E2F1: variants seen among roughly 807,000 people sequenced by gnomAD.
E2F1 encodes transcription factor E2F1.
In E2F1, 7 loss-of-function variants were observed where a neutral mutation model predicts 36.9. That is an observed-to-expected ratio of 0.19 (90% confidence interval 0.11 to 0.36). The LOEUF is 0.36. Among genes scored for constraint, E2F1 ranks in the 10% least tolerant of loss-of-function variants. E2F1 has a pLI of 1.00. For synonymous variants in E2F1, 261 were observed against 263.1 expected (o/e 0.99, Z 0.08); for missense variants, 406 against 573.6 (o/e 0.71, Z 2.99).
rs1219210182 is a variant in E2F1, at chr20:33,678,326, G to A, written c.600C>T (p.Gly200=). The A allele has an allele frequency of 5.6e-6, 9 of 1,612,470 alleles. No homozygotes were observed. The highest frequency in any genetic ancestry group is 5.1e-6 in the Non-Finnish European group (6 of 1,180,002). ...WLGSHTTVGV[G]GRLEGLTQDL... ...CCTGGGTCAACCCCTCAAGCCGTCC[G>A]CCGACGCCCACTGTGGTGTGGCTGC... Residue 200 remains glycine (G), a synonymous_variant, in exon 4 of 7, where the codon GGC becomes GGT. Transcript: ENST00000343380.
At position 33,675,493 on chromosome 20, in the gene E2F1, A is replaced by T. The variant is rs968637591; in HGVS notation, c.*1239T>A. The stretch of plus-strand genomic sequence containing the variant: ...ATAGCATTCTTGGCTTTCTACAACA[A>T]AAACCTTTACTGGATCTGCTTTTGA... On this transcript the variant is annotated 3_prime_UTR_variant, in exon 7 of 7. Transcript: ENST00000343380. 6.3e-6 allele frequency: 1 copy of T among 158,186 alleles called. No homozygotes were observed. Among genetic ancestry groups the T allele is most frequent in the Non-Finnish European group, 1.4e-5 (1 of 71,938 alleles). 9.8% of individuals were successfully genotyped at this position (158,186 alleles called of 1,614,324 possible).
chr20:33,682,225 A>ACC (rs149327727), intron 1 of E2F1, among the ~76,000 whole-genome samples: 6 of 151,216 alleles, frequency 4.0e-5, no homozygotes, highest in African/African-American at 1.5e-4. Flanking sequence ...TGCTGAATGA[A>ACC]CCCCCCCCAT....
rs954027515 is a variant in E2F1, at chr20:33,676,388, CAT to C, written c.*342_*343del. The C allele has an allele frequency of 1.7e-5, 4 of 229,036 alleles. No individual in the cohort carries two copies. Among genetic ancestry groups the C allele is most frequent in the Admixed American group, 1.6e-4 (3 of 18,702 alleles). 14.2% of individuals were successfully genotyped at this position (229,036 alleles called of 1,614,324 possible). A position where few individuals can be genotyped will look rare whatever the true frequency, so the allele number is the denominator to read the frequency against. ...GCGCACACATGGACTCATGCACACA[CAT>C]GTGGACACACTGGGGCGTGTCTGCA... On this transcript the variant is annotated 3_prime_UTR_variant, in exon 7 of 7. Coordinates refer to ENST00000343380, the MANE Select transcript of E2F1 (RefSeq NM_005225.3).
intron 5 of E2F1, 43 bp downstream of exon 5, chr20:33,677,383 A>C: frequency 6.2e-7 from 1 of 1,610,094 alleles, no homozygotes; most frequent in South Asian, 1.1e-5. Context: ...CCACCAGCCC[A>C]GCCCAGCCCA....
intron 1 of E2F1, among the ~76,000 whole-genome samples, chr20:33,683,225 C>T (rs1253446933): frequency 6.6e-6 from 1 of 152,026 alleles, no homozygotes; most frequent in Admixed American, 6.6e-5. Flanking sequence ...CCGAGGCGGG[C>T]AGATCACTTG....
At chr20:33,678,033 A>G (rs2071054) in intron 4 of E2F1, among the ~76,000 whole-genome samples, 168 bp downstream of exon 4, 63,197 of 152,140 alleles carry the variant, frequency 0.42, 14,821 homozygotes, top group African/African-American at 0.64. Flanking sequence ...AACTGAGGCC[A>G]AGAGGTTAAG....
At position 33,677,159 on chromosome 20, in the gene E2F1, G is replaced by A. The variant is rs757620294; in HGVS notation, c.1012C>T (p.Pro338Ser). ...GGATCTGTGGTGAGGGATGAGGGGGGAGATGATGGTGGTGGTGACACTATG... is the reference window on the plus strand; with the variant it reads ...GGATCTGTGGTGAGGGATGAGGGGGAAGATGATGGTGGTGGTGACACTATG... ...ATIVSPPPSS[P>S]PSSLTTDPSQ... The change falls in exon 6 of 7, where the codon CCC becomes TCC. Residue 338 changes from proline (P) to serine (S), a missense_variant. By Grantham distance (74) the Pro-to-Ser change is moderately conservative. Coordinates refer to ENST00000343380, the MANE Select transcript of E2F1 (RefSeq NM_005225.3). The A allele has an allele frequency of 2.5e-6, 4 of 1,614,176 alleles. No individual in the cohort carries two copies. Among genetic ancestry groups the A allele is most frequent in the East Asian group, 4.5e-5 (2 of 44,886 alleles).
intron 1 of E2F1, among the ~76,000 whole-genome samples, chr20:33,682,853 A>C (rs2018030325): frequency 6.6e-6 from 1 of 152,200 alleles, no homozygotes; most frequent in Non-Finnish European, 1.5e-5. Context: ...ACACATACAG[A>C]CAAGCAAAAC....
intron 1 of E2F1, among the ~76,000 whole-genome samples, chr20:33,682,303 G>A (rs1308010271): frequency 6.6e-6 from 1 of 152,156 alleles, no homozygotes; most frequent in South Asian, 2.1e-4. Context: ...AAGAAGAGCT[G>A]TTGTGCTCTA....
rs1375794800 is a variant in E2F1, at chr20:33,676,837, G to A, written c.1209C>T (p.Ser403=). Residue 403 remains serine, a synonymous_variant, in exon 7 of 7, where the codon TCC becomes TCT. Coordinates refer to ENST00000343380, the MANE Select transcript of E2F1 (RefSeq NM_005225.3). ...GLLPEEFISL[S]PPHEALDYHF... is the part of the protein sequence containing the mutation. Reference sequence around the variant, plus strand: ...GGTAGTCGAGGGCCTCGTGGGGTGGGGAAAGGCTGATGAACTCCTCAGGGA... The same window carrying A: ...GGTAGTCGAGGGCCTCGTGGGGTGGAGAAAGGCTGATGAACTCCTCAGGGA... 4 of 1,594,414 alleles carry A rather than the reference G, an allele frequency of 2.5e-6. No individual in the cohort carries two copies. Among genetic ancestry groups the A allele is most frequent in the Non-Finnish European group, 3.4e-6 (4 of 1,169,654 alleles).
chr20:33,686,142 G>A lies in E2F1; in HGVS notation c.123C>T (p.Asp41=). ...CGGTGGGAGCCGGCGGGGCGCTGGC[G>A]TCCTGCGCGGCGGAGATGATGACGA... ...SQIVIISAAQ[D]ASAPPAPTGP... is the part of the protein sequence containing the mutation. Residue 41 remains aspartate (D), a synonymous_variant, in exon 1 of 7, where the codon GAC becomes GAT. Coordinates refer to ENST00000343380, the MANE Select transcript of E2F1 (RefSeq NM_005225.3). 1 of 1,059,832 alleles carries A rather than the reference G, an allele frequency of 9.4e-7. No individual in the cohort carries two copies. Among genetic ancestry groups the A allele is most frequent in the Non-Finnish European group, 1.1e-6 (1 of 879,824 alleles). 65.7% of individuals were successfully genotyped at this position (1,059,832 alleles called of 1,614,324 possible).
chr20:33,675,789 C>T lies in E2F1; in HGVS notation c.*943G>A, dbSNP rs999271400. 4 of 183,338 alleles carry T rather than the reference C, an allele frequency of 2.2e-5. No homozygotes were observed. The highest frequency in any genetic ancestry group is 7.1e-5 in the African/African-American group (3 of 42,100). 11.4% of individuals were successfully genotyped at this position (183,338 alleles called of 1,614,324 possible). A position where few individuals can be genotyped will look rare whatever the true frequency, so the allele number is the denominator to read the frequency against. ...TGGGGCAGAGCAGTGGGGAGGCAGG[C>T]GCTTCAGACACTGCAGGAGGGACCA... On this transcript the variant is annotated 3_prime_UTR_variant, in exon 7 of 7. Coordinates refer to ENST00000343380, the MANE Select transcript of E2F1 (RefSeq NM_005225.3).
At chr20:33,683,631 G>A (rs141505726) in intron 1 of E2F1, among the ~76,000 whole-genome samples, 209 of 151,428 alleles carry the variant, frequency 1.4e-3, no homozygotes, top group African/African-American at 4.8e-3. Flanking sequence ...AAATTGGCTG[G>A]GCATGGTGGT....
intron 1 of E2F1, among the ~76,000 whole-genome samples, chr20:33,681,705 T>C (rs746411054): frequency 3.3e-5 from 5 of 152,174 alleles, no homozygotes; most frequent in Non-Finnish European, 4.4e-5. Flanking sequence ...CAGGGTTTCC[T>C]GAGCTAGAGT....
At position 33,676,583 on chromosome 20, in the gene E2F1, A is replaced by AC; in HGVS notation, c.*148dup. 8.1e-7 allele frequency: 1 copy of AC among 1,227,630 alleles called. No individual in the cohort carries two copies. The highest frequency in any genetic ancestry group is 1.1e-6 in the Non-Finnish European group (1 of 913,872). The allele number at this position is 1,227,630 out of a possible 1,614,324, so 76.0% of individuals were successfully genotyped here. A position where few individuals can be genotyped will look rare whatever the true frequency, so the allele number is the denominator to read the frequency against. ...TGCTCAGCCTCCTAGCGGTAGCCAG[A>AC]CCCCAGAGCTAGAAGCTTCTGGAGA... On this transcript the variant is annotated 3_prime_UTR_variant, in exon 7 of 7. Transcript: ENST00000343380.
chr20:33,675,878 T>G lies in E2F1; in HGVS notation c.*854A>C, dbSNP rs2122538945. On this transcript the variant is annotated 3_prime_UTR_variant, in exon 7 of 7. Transcript: ENST00000343380. Reference sequence around the variant, plus strand: ...GCCCACATCAGTGAAGGTCCCCCACTCACCTCTCCCATCTCATATCCATCC... The same window carrying G: ...GCCCACATCAGTGAAGGTCCCCCACGCACCTCTCCCATCTCATATCCATCC... The G allele has an allele frequency of 6.0e-6, 1 of 166,304 alleles. No homozygotes were observed. Among genetic ancestry groups the G allele is most frequent in the Admixed American group, 6.4e-5 (1 of 15,568 alleles). 10.3% of individuals were successfully genotyped at this position (166,304 alleles called of 1,614,324 possible).
rs201920937 is a variant in E2F1 at position 33,678,236 on chromosome 20, C to T, written c.690G>A (p.Gln230=). ...LDHLMNICTT[Q]LRLLSEDTDS... ...CAGTGTCCTCGGAGAGCAGGCGCAGCTGCGTAGTACAGATATTCATCAGGT... is the reference window on the plus strand; with the variant it reads ...CAGTGTCCTCGGAGAGCAGGCGCAGTTGCGTAGTACAGATATTCATCAGGT... Residue 230 remains glutamine, a synonymous_variant, in exon 4 of 7, where the codon CAG becomes CAA. Transcript: ENST00000343380. 6.2e-7 allele frequency: 1 copy of T among 1,613,698 alleles called. No individual in the cohort carries two copies. Among genetic ancestry groups the T allele is most frequent in the South Asian group, 1.1e-5 (1 of 91,054 alleles).
chr20:33,680,519 G>C (rs1426146868), intron 1 of E2F1, 103 bp from the exon 2 acceptor site: 2 of 951,984 alleles, frequency 2.1e-6, no homozygotes, highest in African/African-American at 3.2e-5. Flanking sequence ...AGTTTCTCTA[G>C]CAGGATGCCT....
In E2F1 at chr20:33,679,590, G is replaced by A. The variant is rs1290632085; in HGVS notation, c.572+165C>T. ...CAACTGAGGTGGATATGTAAGATTT[G>A]TGTGCTTTTTACCATCTATCATCTC... On this transcript the variant is annotated intron_variant, in intron 3 of 6. Coordinates refer to ENST00000343380, the MANE Select transcript of E2F1 (RefSeq NM_005225.3). This position sits in a 1 kb window ranked among gnomAD's most constrained non-coding sequence, Gnocchi z 4.6. 6.6e-6 allele frequency among the ~76,000 whole-genome samples: 1 copy of A among 152,192 alleles called. No individual in the cohort carries two copies. Among genetic ancestry groups the A allele is most frequent in the Non-Finnish European group, 1.5e-5 (1 of 68,034 alleles).
Sources: gnomAD v4.1 joint callset for allele counts (sites outside exome capture counted in the v4.1 genomes callset) on GRCh38, gnomAD v4.1.1 for gene constraint, Gnocchi (gnomAD v3.1) non-coding constraint, MANE v1.5 for transcripts, NCBI Gene and HGNC (gene_info 2026-07-23, HGNC 2026-07-21) for gene names.